The following TGM2 variants were observed in gnomAD, a reference collection of about 807,000 sequenced individuals.
TGM2 encodes the protein transglutaminase 2.
A neutral mutation model predicts 75.6 loss-of-function variants in TGM2; 53 were observed. The ratio of observed to expected loss-of-function variants is 0.70; its 90% CI spans 0.56 to 0.88. The LOEUF (loss-of-function observed/expected upper bound fraction) is 0.88, where lower values mean the gene tolerates loss of function less well. Among genes scored for constraint, TGM2 ranks in the 40% least tolerant of loss-of-function variants. TGM2 has a pLI of 0.00. For missense variants in TGM2, 842 were observed against 928.5 expected (o/e 0.91, Z 1.21); for synonymous variants, 374 against 381.1 (o/e 0.98, Z 0.22).
intron 10 of TGM2, among the ~76,000 whole-genome samples, chr20:38,137,660 C>T (rs2074916189): frequency 6.6e-6 from 1 of 152,086 alleles, no homozygotes; most frequent in African/African-American, 2.4e-5. Context: ...AGGCCGAGAG[C>T]AACCAGAGGC....
chr20:38,150,865 G>A, intron 4 of TGM2, 74 bp downstream of exon 4: 1 of 1,147,444 alleles, frequency 8.7e-7, no homozygotes, highest in Non-Finnish European at 1.3e-6. Context: ...GTGCAGCTTT[G>A]GCTGCCCCCA....
chr20:38,155,756 T>A, intron 3 of TGM2, 91 bp downstream of exon 3: 1 of 1,497,214 alleles, frequency 6.7e-7, no homozygotes, highest in East Asian at 2.5e-5. Context: ...GTGTCTCTTA[T>A]CCCCTGTTCT....
At chr20:38,142,983 G>T (rs747389819) in intron 6 of TGM2, among the ~76,000 whole-genome samples, 5 of 152,242 alleles carry the variant, frequency 3.3e-5, no homozygotes, top group Admixed American at 2.0e-4. Context: ...TTCATAGCAC[G>T]GCTGGAGATC....
intron 10 of TGM2, among the ~76,000 whole-genome samples, chr20:38,135,326 C>T (rs1488368981): frequency 6.6e-6 from 1 of 152,016 alleles, no homozygotes; most frequent in Non-Finnish European, 1.5e-5. Context: ...GGGACTGGGT[C>T]TCCAATGTCA....
rs755731289 is a variant in TGM2, at chr20:38,139,398, C to T, written c.1342+14G>A. Reference sequence around the variant, plus strand: ...TATCTTCAAGGCTGCATTAAAGACTCTGAGGGCACATACCCTCTGGGTATT... The same window carrying T: ...TATCTTCAAGGCTGCATTAAAGACTTTGAGGGCACATACCCTCTGGGTATT... On this transcript the variant is annotated intron_variant, in intron 9 of 12. Coordinates refer to ENST00000361475, the MANE Select transcript of TGM2 (RefSeq NM_004613.4). 4 of 1,614,058 alleles carry T rather than the reference C, an allele frequency of 2.5e-6. No homozygotes were observed. In the South Asian group the frequency reaches 3.3e-5, roughly 13 times the overall value.
At chr20:38,131,070 A>G (rs759639630) in intron 12 of TGM2, 23 bp downstream of exon 12, 12 of 1,610,468 alleles carry the variant, frequency 7.5e-6, no homozygotes, top group Non-Finnish European at 1.0e-5. Flanking sequence ...CCAGGCCCCA[A>G]AGCTAGAGCA....
chr20:38,153,699 C>T (rs985587035), intron 3 of TGM2, among the ~76,000 whole-genome samples: 1 of 152,046 alleles, frequency 6.6e-6, no homozygotes, highest in Non-Finnish European at 1.5e-5. Context: ...GCAATTTCTC[C>T]AGGCACATAC....
In TGM2 at chr20:38,147,965, C is replaced by A; in HGVS notation, c.677G>T (p.Gly226Val). ...TGGGCCATGCCACTCACTCACCATGCCACTCACCACCCGGCCCACGTAGAC... is the reference window on the plus strand; with the variant it reads ...TGGGCCATGCCACTCACTCACCATGACACTCACCACCCGGCCCACGTAGAC... ...SPVYVGRVVS[G>V]MVNCNDDQGV... Residue 226 changes from glycine to valine, a missense_variant, in exon 5 of 13, where the codon GGC becomes GTC. Gly to Val is a moderately radical substitution (Grantham distance 109). Coordinates refer to ENST00000361475, the MANE Select transcript of TGM2 (RefSeq NM_004613.4). The A allele has an allele frequency of 3.7e-6, 6 of 1,610,410 alleles. No homozygotes were observed. Among genetic ancestry groups the A allele is most frequent in the Non-Finnish European group, 4.2e-6 (5 of 1,178,986 alleles).
chr20:38,141,907 G>T (rs1338760243), intron 7 of TGM2, among the ~76,000 whole-genome samples, 157 bp downstream of exon 7: 1 of 152,056 alleles, frequency 6.6e-6, no homozygotes, highest in African/African-American at 2.4e-5. Flanking sequence ...CATGTATGTG[G>T]TTGACTTTCC....
chr20:38,138,071 C>A, intron 10 of TGM2, 42 bp downstream of exon 10: 1 of 1,546,884 alleles, frequency 6.5e-7, no homozygotes, highest in South Asian at 1.2e-5. Context: ...AGCATGTTGT[C>A]AGTTGGCGGT....
At chr20:38,157,911 G>A (rs766021373) in intron 2 of TGM2, among the ~76,000 whole-genome samples, 1 of 152,218 alleles carries the variant, frequency 6.6e-6, no homozygotes, top group East Asian at 1.9e-4. Context: ...ATAGCAGATC[G>A]TGAGGACTGG....
intron 10 of TGM2, among the ~76,000 whole-genome samples, chr20:38,134,622 C>T (rs1256061031): frequency 6.6e-6 from 1 of 152,134 alleles, no homozygotes; most frequent in Non-Finnish European, 1.5e-5. Flanking sequence ...TTGCCCTGTT[C>T]TAGAAGGTTA....
intron 12 of TGM2, 128 bp from the exon 13 acceptor site, chr20:38,130,497 G>A (rs971259651): frequency 3.9e-6 from 4 of 1,030,672 alleles, no homozygotes; most frequent in East Asian, 2.6e-5. Context: ...CCTCATTCTC[G>A]GCCCTCTGCG....
chr20:38,144,449 G>A (rs890859251), intron 6 of TGM2, among the ~76,000 whole-genome samples: 1 of 152,136 alleles, frequency 6.6e-6, no homozygotes, highest in African/African-American at 2.4e-5. Flanking sequence ...GGCAAACGTC[G>A]TCCATCAGTG....
intron 3 of TGM2, among the ~76,000 whole-genome samples, chr20:38,153,643 G>T (rs45568642): frequency 0.15 from 23,335 of 152,016 alleles, 2,751 homozygotes; most frequent in African/African-American, 0.32. Flanking sequence ...TATACAGTGG[G>T]ATCCTTTTAT....
chr20:38,163,771 G>A (rs2075280953), intron 1 of TGM2, among the ~76,000 whole-genome samples: 1 of 152,166 alleles, frequency 6.6e-6, no homozygotes, highest in Admixed American at 6.5e-5. Context: ...CTGGCCTATT[G>A]CGGCGAGGAA....
chr20:38,155,723 C>T (rs45456596), intron 3 of TGM2, 124 bp downstream of exon 3: 12 of 1,412,556 alleles, frequency 8.5e-6, no homozygotes, highest in Non-Finnish European at 1.1e-5. Flanking sequence ...GCACAGTGGG[C>T]CTCACTCAGT....
intron 8 of TGM2, 128 bp downstream of exon 8, chr20:38,141,154 A>G: frequency 1.5e-6 from 1 of 679,542 alleles, no homozygotes; most frequent in African/African-American, 1.8e-5. Flanking sequence ...GAGGTCCCCC[A>G]CCCTTCTGTG....
Position 38,142,119 on chromosome 20 carries a change from C to T in TGM2, c.940G>A (p.Glu314Lys), listed in dbSNP as rs138412064. 13 of 1,614,134 alleles carry T rather than the reference C, an allele frequency of 8.1e-6. No homozygotes were observed. Among genetic ancestry groups the T allele is most frequent in the African/African-American group, 4.0e-5 (3 of 75,038 alleles). The change falls in exon 7 of 13, where the codon GAG (glutamate) becomes AAG (lysine). Residue 314 changes from glutamate to lysine, a missense_variant. By Grantham distance (56) the Glu-to-Lys change is moderately conservative. Transcript: ENST00000361475. Reference sequence around the variant, plus strand: ...TCCCCAAACTCATTGCGGAAGTACTCGATGAGAAGGTTGCTGTTCTGGTCA... The same window carrying T: ...TCCCCAAACTCATTGCGGAAGTACTTGATGAGAAGGTTGCTGTTCTGGTCA... ...AHDQNSNLLI[E>K]YFRNEFGEIQ...
Sources: allele counts gnomAD v4.1 joint callset (sites outside exome capture counted in the v4.1 genomes callset), GRCh38; gene constraint gnomAD v4.1.1; transcripts MANE v1.5; gene names NCBI Gene and HGNC (gene_info 2026-07-23, HGNC 2026-07-21).